Variants in INTS1 observed in about 807,000 individuals in gnomAD.
The protein encoded by INTS1 is integrator complex subunit 1.
INTS1 carries 137 observed loss-of-function variants against 241.6 expected under a neutral mutation model. The ratio of observed to expected loss-of-function variants is 0.57; its 90% CI spans 0.49 to 0.65. The LOEUF (loss-of-function observed/expected upper bound fraction) is 0.65, where lower values mean the gene tolerates loss of function less well. Ranked by LOEUF, INTS1 falls within the 30% of genes least tolerant of loss-of-function variation. INTS1 has a pLI of 0.00. For missense variants in INTS1, 3,073 were observed against 3,032.2 expected (o/e 1.01, Z -0.32); for synonymous variants, 1,692 against 1,337.8 (o/e 1.26, Z -5.78).
At chr7:1,504,053 C>T (rs1375455075) in intron 1 of INTS1, 52 bp from the exon 2 acceptor site, 1 of 941,992 alleles carries the variant, frequency 1.1e-6, no homozygotes, top group Admixed American at 2.6e-5. Flanking sequence ...CTCGTTCGCT[C>T]GCTCATTCGC....
intron 16 of INTS1, among the ~76,000 whole-genome samples, 172 bp downstream of exon 16, chr7:1,492,838 C>A (rs1355689631): frequency 8.4e-6 from 1 of 119,446 alleles, no homozygotes; most frequent in Non-Finnish European, 1.8e-5. Flanking sequence ...CTTACCCGGG[C>A]GGGAGTGGGG....
chr7:1,481,305 G>GT lies in INTS1; in HGVS notation c.3850+36dup. The GT allele has an allele frequency of 6.2e-7, 1 of 1,610,872 alleles. No homozygotes were observed. On this transcript the variant is annotated intron_variant, in intron 28 of 47. Coordinates refer to ENST00000404767, the MANE Select transcript of INTS1 (RefSeq NM_001080453.3). The surrounding 1 kb of genome is among the most constrained non-coding windows in gnomAD (Gnocchi z 6.8). Reference sequence around the variant, plus strand: ...CTGGCCGGGCTGGGGCTCGGTCAGCGTGTGTGAACCCACTCCGCAGGTCCC... The same window carrying GT: ...CTGGCCGGGCTGGGGCTCGGTCAGCGTTGTGTGAACCCACTCCGCAGGTCCC...
At position 1,481,276 on chromosome 7, in the gene INTS1, A is replaced by G; in HGVS notation, c.3850+66T>C. 1 of 1,592,294 alleles carries G rather than the reference A, an allele frequency of 6.3e-7. No individual in the cohort carries two copies. The highest frequency in any genetic ancestry group is 1.1e-5 in the South Asian group (1 of 90,030). ...CCACCCGCTCGCACCCAGGCCCCAA[A>G]AGCCTGGCCGGGCTGGGGCTCGGTC... On this transcript the variant is annotated intron_variant, in intron 28 of 47. Coordinates refer to ENST00000404767, the MANE Select transcript of INTS1 (RefSeq NM_001080453.3). This position sits in a 1 kb window ranked among gnomAD's most constrained non-coding sequence, Gnocchi z 6.8.
rs1782123305 is a variant in INTS1 at position 1,483,997 on chromosome 7, C to T, written c.3429+6G>A. 1.0e-5 allele frequency: 16 copies of T among 1,605,212 alleles called. No individual in the cohort carries two copies. The East Asian group carries it at 2.5e-4, about 25-fold the overall frequency. On this transcript the variant is annotated splice_donor_region_variant and intron_variant, in intron 25 of 47. Transcript: ENST00000404767. Reference sequence around the variant, plus strand: ...CTCACCCGGCCGTAGACCTCCTCGCCCTCACCCAGCTGTAGACCTCCTCGC... The same window carrying T: ...CTCACCCGGCCGTAGACCTCCTCGCTCTCACCCAGCTGTAGACCTCCTCGC...
intron 45 of INTS1, 146 bp from the exon 46 acceptor site, chr7:1,471,370 G>A (rs568292652): frequency 2.4e-5 from 25 of 1,025,118 alleles, no homozygotes; most frequent in African/African-American, 1.6e-4. Flanking sequence ...GCCACTGGCC[G>A]GTCCCAGCCC....
intron 39 of INTS1, 144 bp from the exon 40 acceptor site, chr7:1,474,982 C>CA: frequency 8.9e-7 from 1 of 1,128,620 alleles, no homozygotes; most frequent in Non-Finnish European, 1.2e-6. Context: ...CTTCCATGAG[C>CA]ACCTCGGGAG....
At chr7:1,494,004 A>C in intron 14 of INTS1, 93 bp from the exon 15 acceptor site, 1 of 1,428,816 alleles carries the variant, frequency 7.0e-7, no homozygotes, top group Non-Finnish European at 9.4e-7. Flanking sequence ...CTCAGAGCCC[A>C]CGGGCTGGTG....
intron 3 of INTS1, chr7:1,501,223 T>C (rs1359197916): frequency 1.3e-5 from 2 of 151,486 alleles, no homozygotes; most frequent in African/African-American, 4.9e-5. Flanking sequence ...AGGCGGAGGC[T>C]GAAGTGAGCC....
In INTS1 at chr7:1,476,017, C is replaced by T. The variant is rs1347266104; in HGVS notation, c.5433G>A (p.Pro1811=). The change falls in exon 39 of 48, where the codon CCG becomes CCA. Residue 1811 remains proline, a synonymous_variant. Transcript: ENST00000404767. ...DLLLQLYLQR[P]ELRVPVPEVL... is the part of the protein sequence containing the mutation. ...CCTCAGGCACGGGCACCCGCAGCTCCGGCCGCTGTAGGTAGAGCTGCAGGA... is the reference window on the plus strand; with the variant it reads ...CCTCAGGCACGGGCACCCGCAGCTCTGGCCGCTGTAGGTAGAGCTGCAGGA... 1.6e-5 allele frequency: 24 copies of T among 1,545,912 alleles called. No individual in the cohort carries two copies. In the East Asian group the frequency reaches 3.7e-4, roughly 24 times the overall value.
chr7:1,494,337 G>C (rs1343626073), intron 14 of INTS1: 2 of 252,768 alleles, frequency 7.9e-6, no homozygotes, highest in Non-Finnish European at 1.5e-5. Context: ...CGAGGTGGGG[G>C]CAGGGTGAAC....
rs746454501 is a variant in INTS1 at position 1,503,032 on chromosome 7, C to A, written c.218G>T (p.Gly73Val). 1 of 1,613,598 alleles carries A rather than the reference C, an allele frequency of 6.2e-7. No individual in the cohort carries two copies. Among genetic ancestry groups the A allele is most frequent in the Non-Finnish European group, 8.5e-7 (1 of 1,179,874 alleles). Reference protein sequence around the residue: ...AALSSASALTGLTKRPKLSST... With the variant: ...AALSSASALTVLTKRPKLSST... ...GGAGAGTTTGGGGCGTTTGGTGAGA[C>A]CGGTGAGGGCCGAGGCACTGGACAA... The change falls in exon 3 of 48, where the codon GGT becomes GTT. Residue 73 changes from glycine to valine, a missense_variant. Transcript: ENST00000404767.
intron 45 of INTS1, 65 bp from the exon 46 acceptor site, chr7:1,471,289 C>T (rs1584252815): frequency 6.8e-7 from 1 of 1,480,926 alleles, no homozygotes; most frequent in Non-Finnish European, 9.2e-7. Context: ...GCCCCTTCAC[C>T]TCTTGGTCTC....
In INTS1 at chr7:1,476,343, C is replaced by T; in HGVS notation, c.5264G>A (p.Cys1755Tyr). The T allele has an allele frequency of 1.3e-6, 2 of 1,580,264 alleles. No homozygotes were observed. The highest frequency in any genetic ancestry group is 8.6e-7 in the Non-Finnish European group (1 of 1,165,820). Reference protein sequence around the residue: ...TRSQDGDTAACSLIQARLPLL... With the variant: ...TRSQDGDTAAYSLIQARLPLL... ...GGGCAGCCGGGCCTGGATGAGGCTGCAGGCGGCTGTGTCCCCGTCCTGGCT... is the reference window on the plus strand; with the variant it reads ...GGGCAGCCGGGCCTGGATGAGGCTGTAGGCGGCTGTGTCCCCGTCCTGGCT... Residue 1755 changes from cysteine (C) to tyrosine (Y), a missense_variant, in exon 38 of 48, where the codon TGC (cysteine) becomes TAC (tyrosine). By Grantham distance (194) the Cys-to-Tyr change is radical. Coordinates refer to ENST00000404767, the MANE Select transcript of INTS1 (RefSeq NM_001080453.3).
In INTS1 at chr7:1,493,524, G is replaced by A. The variant is rs1782690120; in HGVS notation, c.2068+230C>T. On this transcript the variant is annotated intron_variant, in intron 15 of 47. Coordinates refer to ENST00000404767, the MANE Select transcript of INTS1 (RefSeq NM_001080453.3). This position sits in a 1 kb window ranked among gnomAD's most constrained non-coding sequence, Gnocchi z 5.3. ...CGAGAATGCCAATTCCAAAAAATGT[G>A]CAAATTCCAAAGAACGGGGCAGTGA... Among the ~76,000 whole-genome samples the A allele has an allele frequency of 6.6e-6, 1 of 152,108 alleles. No individual in the cohort carries two copies. Among genetic ancestry groups the A allele is most frequent in the Non-Finnish European group, 1.5e-5 (1 of 68,018 alleles).
intron 2 of INTS1, 99 bp from the exon 3 acceptor site, chr7:1,503,290 G>T (rs1226833435): frequency 6.9e-6 from 9 of 1,312,562 alleles, no homozygotes; most frequent in Non-Finnish European, 7.3e-6. Context: ...GATTAAACAA[G>T]GGTCAGAGGA....
intron 3 of INTS1, 140 bp downstream of exon 3, chr7:1,502,761 A>T: frequency 2.1e-6 from 2 of 932,348 alleles, no homozygotes; most frequent in Non-Finnish European, 3.3e-6. Flanking sequence ...AGCACTTCCA[A>T]GAACAAGCCA....
rs1300200893 is a variant in INTS1 at position 1,478,784 on chromosome 7, C to T, written c.4431G>A (p.Leu1477=). ...LDSPGVEGGP[L]RAQLRMLASQ... ...TGGCAAGCATCCTGAGCTGTGCCCGCAGGGGCCCGCCCTCCACGCCAGGGC... is the reference window on the plus strand; with the variant it reads ...TGGCAAGCATCCTGAGCTGTGCCCGTAGGGGCCCGCCCTCCACGCCAGGGC... The change falls in exon 32 of 48, where the codon CTG becomes CTA. Residue 1477 remains leucine, a synonymous_variant. Transcript: ENST00000404767. 12 of 1,604,016 alleles carry T rather than the reference C, an allele frequency of 7.5e-6. No individual in the cohort carries two copies. The highest frequency in any genetic ancestry group is 3.4e-5 in the Admixed American group (2 of 59,184).
chr7:1,499,928 C>T lies in INTS1; in HGVS notation c.640G>A (p.Ala214Thr). 2 of 1,613,692 alleles carry T rather than the reference C, an allele frequency of 1.2e-6. No homozygotes were observed. Among genetic ancestry groups the T allele is most frequent in the South Asian group, 1.1e-5 (1 of 91,074 alleles). ...VSVLACNLLM[A>T]AYEEDENWPE... The stretch of plus-strand genomic sequence containing the variant: ...CAGTTCTCGTCCTCCTCGTAGGCGG[C>T]CATGAGGAGGTTACAGGCCAGCACA... Residue 214 changes from alanine to threonine, a missense_variant, in exon 5 of 48, where the codon GCC becomes ACC. Physicochemically the swap from Ala to Thr is moderately conservative, Grantham distance 58. Coordinates refer to ENST00000404767, the MANE Select transcript of INTS1 (RefSeq NM_001080453.3).
chr7:1,501,901 C>A (rs1783200097), intron 3 of INTS1, among the ~76,000 whole-genome samples: 2 of 152,168 alleles, frequency 1.3e-5, no homozygotes, highest in Admixed American at 1.3e-4. Flanking sequence ...TGGGCACAGT[C>A]CATTCTCTGC....
Sources: allele counts gnomAD v4.1 joint callset (sites outside exome capture counted in the v4.1 genomes callset), GRCh38; gene constraint gnomAD v4.1.1; non-coding constraint Gnocchi (gnomAD v3.1); transcripts MANE v1.5; gene names NCBI Gene and HGNC (gene_info 2026-07-23, HGNC 2026-07-21).